KCNAB1: variants seen among roughly 807,000 people sequenced by gnomAD.
The protein encoded by KCNAB1 is voltage-gated potassium channel subunit beta-1.
In KCNAB1, 35 loss-of-function variants were observed where a neutral mutation model predicts 64.6. The observed-to-expected ratio is 0.54, with a 90% confidence interval of 0.41 to 0.72. The LOEUF is 0.72. KCNAB1 is among the 30% of genes least tolerant of loss of function. The probability of loss-of-function intolerance (pLI) is 0.00; values close to 1 mark genes in which losing one functional copy is unlikely to be tolerated. For synonymous variants in KCNAB1, 177 were observed against 183.8 expected (o/e 0.96, Z 0.30); for missense variants, 401 against 512.9 (o/e 0.78, Z 2.11).
chr3:156,434,949 A>G (rs1470757241), intron 2 of KCNAB1, among the ~76,000 whole-genome samples: 1 of 152,198 alleles, frequency 6.6e-6, no homozygotes, highest in Non-Finnish European at 1.5e-5. Context: ...CAAGGATTTG[A>G]AGGCAGGTAG....
chr3:156,339,606 C>T (rs143506751), intron 1 of KCNAB1, among the ~76,000 whole-genome samples: 141 of 152,292 alleles, frequency 9.3e-4, no homozygotes, highest in Middle Eastern at 3.4e-3. Context: ...ATGCAAAAGG[C>T]CAGCCTGTTT....
At chr3:156,155,878 G>A (rs1715682712) in intron 1 of KCNAB1, among the ~76,000 whole-genome samples, 1 of 152,198 alleles carries the variant, frequency 6.6e-6, no homozygotes, top group African/African-American at 2.4e-5. Flanking sequence ...AGGTACCTAG[G>A]GTTGGGTCCA....
chr3:156,440,498 C>T (rs79175464), intron 2 of KCNAB1, among the ~76,000 whole-genome samples: 2,746 of 152,302 alleles, frequency 0.018, 66 homozygotes, highest in East Asian at 0.1. Flanking sequence ...AGGAGAATGA[C>T]TCTGTAGAAT....
intron 1 of KCNAB1, among the ~76,000 whole-genome samples, chr3:156,343,801 T>C (rs1026702343): frequency 9.9e-5 from 15 of 152,198 alleles, no homozygotes; most frequent in Admixed American, 7.2e-4. Flanking sequence ...TTTACATAAA[T>C]ATATAAATGA....
chr3:156,128,734 G>T (rs1045589165), intron 1 of KCNAB1, among the ~76,000 whole-genome samples: 5 of 152,246 alleles, frequency 3.3e-5, no homozygotes, highest in African/African-American at 1.2e-4. Context: ...CACTCTAATT[G>T]TGCCAAAGAT....
At chr3:156,240,240 A>C (rs926520350) in intron 1 of KCNAB1, among the ~76,000 whole-genome samples, 1 of 152,160 alleles carries the variant, frequency 6.6e-6, no homozygotes, top group Non-Finnish European at 1.5e-5. Flanking sequence ...TCTAAGCGAT[A>C]TGGCCTCCTT....
chr3:156,143,271 C>T (rs1186676990), intron 1 of KCNAB1: 1 of 1,613,952 alleles, frequency 6.2e-7, no homozygotes, highest in Non-Finnish European at 8.5e-7. Context: ...GTAGATGGCA[C>T]CTAGCAGTGA....
At position 156,205,408 on chromosome 3, in the gene KCNAB1, A is replaced by C. The variant is rs187474800; in HGVS notation, c.275+84522A>C. On this transcript the variant is annotated intron_variant, in intron 1 of 13. Transcript: ENST00000490337. ...CCACTTTGCTTTGCATGTGTGAATT[A>C]AGCCAGTGGAAGCTTCAGGTGTAAT... 2.8e-3 allele frequency among the ~76,000 whole-genome samples: 419 copies of C among 152,310 alleles called. 3 individuals are homozygous for C. The highest frequency in any genetic ancestry group is 9.3e-3 in the African/African-American group (387 of 41,566).
chr3:156,291,478 C>T, intron 1 of KCNAB1: 2 of 1,059,732 alleles, frequency 1.9e-6, no homozygotes, highest in African/African-American at 1.7e-5. Context: ...TGAGCCATCG[C>T]CCAGAAGCGA....
chr3:156,417,635 A>G (rs1006462946), intron 1 of KCNAB1, among the ~76,000 whole-genome samples: 2 of 152,150 alleles, frequency 1.3e-5, no homozygotes, highest in Admixed American at 6.5e-5. Context: ...CTTGTAAAGA[A>G]ACTGTGAGCA....
At chr3:156,510,789 T>C (rs73875708) in intron 8 of KCNAB1, among the ~76,000 whole-genome samples, 5,499 of 152,252 alleles carry the variant, frequency 0.036, 265 homozygotes, top group African/African-American at 0.12. Flanking sequence ...TTCCACCCTG[T>C]GGGCATGGCT....
chr3:156,348,076 G>A (rs764415441), intron 1 of KCNAB1, among the ~76,000 whole-genome samples: 8 of 152,132 alleles, frequency 5.3e-5, no homozygotes, highest in Non-Finnish European at 5.9e-5. Flanking sequence ...AATAATGTAG[G>A]CTAGGATAGG....
chr3:156,491,026 A>G (rs1342890298), intron 8 of KCNAB1, among the ~76,000 whole-genome samples: 1 of 152,184 alleles, frequency 6.6e-6, no homozygotes, highest in Non-Finnish European at 1.5e-5. Flanking sequence ...CCAAAACACC[A>G]TGAAGCAGGC....
intron 1 of KCNAB1, among the ~76,000 whole-genome samples, chr3:156,325,927 G>A (rs1576727559): frequency 6.6e-6 from 1 of 152,024 alleles, no homozygotes; most frequent in South Asian, 2.1e-4. Flanking sequence ...GTAAGTTGGG[G>A]TTTACAAAAA....
rs558420075 is a variant in KCNAB1 at position 156,127,427 on chromosome 3, TATG to T, written c.275+6543_275+6545del. On this transcript the variant is annotated intron_variant, in intron 1 of 13. Transcript: ENST00000490337. Reference sequence around the variant, plus strand: ...AGTATTATTTTCAGAGATATTGGAATATGAGGACATTTTTATGTAGTTTACTGT... The same window carrying T: ...AGTATTATTTTCAGAGATATTGGAATAGGACATTTTTATGTAGTTTACTGT... Among the ~76,000 whole-genome samples, 485 of 152,364 alleles carry T rather than the reference TATG, an allele frequency of 3.2e-3. 2 individuals carry two copies. The highest frequency in any genetic ancestry group is 0.011 in the African/African-American group (455 of 41,584).
At chr3:156,206,869 GT>G in intron 1 of KCNAB1, among the ~76,000 whole-genome samples, 1 of 152,214 alleles carries the variant, frequency 6.6e-6, no homozygotes, top group East Asian at 1.9e-4. Flanking sequence ...TGGAAAAAAT[GT>G]TTCAGTAAAA....
chr3:156,267,637 A>T (rs1039097006), intron 1 of KCNAB1, among the ~76,000 whole-genome samples: 3 of 152,002 alleles, frequency 2.0e-5, no homozygotes, highest in African/African-American at 7.3e-5. Context: ...AGACAACTCA[A>T]CCTCCCCATT....
chr3:156,192,582 G>A (rs1363032066), intron 1 of KCNAB1, among the ~76,000 whole-genome samples: 3 of 152,218 alleles, frequency 2.0e-5, no homozygotes, highest in Admixed American at 6.5e-5. Flanking sequence ...TAAAAGAGGG[G>A]TGTTGAGTTC....
chr3:156,245,905 A>G (rs777879821), intron 1 of KCNAB1, among the ~76,000 whole-genome samples: 1 of 152,276 alleles, frequency 6.6e-6, no homozygotes, highest in South Asian at 2.1e-4. Flanking sequence ...CATGGTGTTG[A>G]GTTGTTTCTG....
Sources: allele counts gnomAD v4.1 joint callset (sites outside exome capture counted in the v4.1 genomes callset), GRCh38; gene constraint gnomAD v4.1.1; transcripts MANE v1.5; gene names NCBI Gene and HGNC (gene_info 2026-07-23, HGNC 2026-07-21).